The following THSD4 variants were observed in gnomAD, a reference collection of about 807,000 sequenced individuals.
THSD4 encodes the protein thrombospondin type-1 domain-containing protein 4.
Under a neutral mutation model 119.0 loss-of-function variants are expected in THSD4, and 69 were observed. That is an observed-to-expected ratio of 0.58 (90% CI 0.48 to 0.71). The LOEUF (loss-of-function observed/expected upper bound fraction) is 0.71. Ranked by LOEUF, THSD4 falls within the 30% of genes least tolerant of loss-of-function variation. THSD4 has a pLI of 0.00. For synonymous variants in THSD4, 524 were observed against 540.4 expected, an observed-to-expected ratio of 0.97 and a Z score of 0.42; for missense variants, 1,393 against 1,391.1, an observed-to-expected ratio of 1.00 and a Z score of -0.02.
chr15:71,192,173 A>G (rs960149340), intron 3 of THSD4, among the ~76,000 whole-genome samples: 1 of 151,892 alleles, frequency 6.6e-6, no homozygotes, highest in African/African-American at 2.4e-5. Context: ...AAATACTGGG[A>G]TTACAGGTGT....
intron 2 of THSD4, among the ~76,000 whole-genome samples, chr15:71,151,964 C>A (rs1329190032): frequency 6.6e-6 from 1 of 152,182 alleles, no homozygotes; most frequent in African/African-American, 2.4e-5. Flanking sequence ...ACAGTACCGA[C>A]AGAGAATGTT....
At chr15:71,470,332 T>C (rs1329486393) in intron 7 of THSD4, among the ~76,000 whole-genome samples, 4 of 152,186 alleles carry the variant, frequency 2.6e-5, no homozygotes, top group Non-Finnish European at 5.9e-5. Flanking sequence ...ATTGAGAATT[T>C]TTGTTTCTTT....
intron 7 of THSD4, among the ~76,000 whole-genome samples, chr15:71,615,807 A>G (rs2050309976): frequency 6.6e-6 from 1 of 152,170 alleles, no homozygotes; most frequent in African/African-American, 2.4e-5. Context: ...TTTAAGATGA[A>G]GTTGGGCTTC....
intron 8 of THSD4, among the ~76,000 whole-genome samples, chr15:71,681,460 T>A (rs2051774598): frequency 6.6e-6 from 1 of 151,864 alleles, no homozygotes; most frequent in Non-Finnish European, 1.5e-5. Context: ...GTGGATCACC[T>A]GAGGTCAGGC....
At chr15:71,554,848 T>C (rs1595881547) in intron 7 of THSD4, among the ~76,000 whole-genome samples, 1 of 152,160 alleles carries the variant, frequency 6.6e-6, no homozygotes, top group African/African-American at 2.4e-5. Flanking sequence ...GGCATAATAC[T>C]GAATATATGT....
intron 3 of THSD4, among the ~76,000 whole-genome samples, chr15:71,191,264 A>G (rs2043669346): frequency 6.6e-6 from 1 of 152,094 alleles, no homozygotes; most frequent in African/African-American, 2.4e-5. Context: ...TCTGAGTCCC[A>G]GTCTCCCAAC....
At chr15:71,630,208 G>A (rs181639234) in intron 7 of THSD4, among the ~76,000 whole-genome samples, 1 of 152,220 alleles carries the variant, frequency 6.6e-6, no homozygotes, top group East Asian at 1.9e-4. Flanking sequence ...TGTCTTAACT[G>A]GTGCTTCAGA....
chr15:71,245,787 G>T (rs891701327), intron 5 of THSD4, among the ~76,000 whole-genome samples: 1 of 152,132 alleles, frequency 6.6e-6, no homozygotes, highest in Non-Finnish European at 1.5e-5. Context: ...GCTATTTTAG[G>T]CACGGTGAGC....
intron 8 of THSD4, among the ~76,000 whole-genome samples, chr15:71,686,087 A>G (rs1452765127): frequency 1.3e-5 from 2 of 152,330 alleles, no homozygotes; most frequent in South Asian, 4.1e-4. Flanking sequence ...TAAAATATAT[A>G]TAACATAAAA....
At chr15:71,431,645 G>A (rs1483338233) in intron 7 of THSD4, among the ~76,000 whole-genome samples, 1 of 152,130 alleles carries the variant, frequency 6.6e-6, no homozygotes, top group Non-Finnish European at 1.5e-5. Flanking sequence ...GTTGGTATAT[G>A]ATGATTTATT....
chr15:71,737,010 A>C (rs1408763491), intron 10 of THSD4, among the ~76,000 whole-genome samples: 1 of 152,198 alleles, frequency 6.6e-6, no homozygotes, highest in Non-Finnish European at 1.5e-5. Flanking sequence ...TCATTTCTTC[A>C]TGTCGGAACG....
intron 7 of THSD4, among the ~76,000 whole-genome samples, chr15:71,636,218 T>C (rs533776594): frequency 2.1e-4 from 32 of 152,292 alleles, no homozygotes; most frequent in African/African-American, 7.5e-4. Context: ...GGTCAGGCGT[T>C]GGAGACCAGT....
At chr15:71,388,458 C>T (rs757931768) in intron 6 of THSD4, among the ~76,000 whole-genome samples, 1 of 152,130 alleles carries the variant, frequency 6.6e-6, no homozygotes, top group Non-Finnish European at 1.5e-5. Flanking sequence ...TTCCATCTAC[C>T]AGAATGTGTT....
At chr15:71,615,364 A>G (rs563345832) in intron 7 of THSD4, among the ~76,000 whole-genome samples, 4 of 152,346 alleles carry the variant, frequency 2.6e-5, no homozygotes, top group African/African-American at 7.2e-5. Flanking sequence ...GTAAATTAAT[A>G]AGACAACAAG....
At chr15:71,684,489 T>A (rs762644953) in intron 8 of THSD4, among the ~76,000 whole-genome samples, 1 of 151,202 alleles carries the variant, frequency 6.6e-6, no homozygotes, top group South Asian at 2.1e-4. Context: ...ATCATTGGGG[T>A]AAGAAAGTCT....
intron 11 of THSD4, among the ~76,000 whole-genome samples, chr15:71,741,721 A>T (rs1023712201): frequency 5.8e-5 from 7 of 120,766 alleles, no homozygotes; most frequent in African/African-American, 2.0e-4. Flanking sequence ...ACACACACAC[A>T]CACACACTCG....
chr15:71,459,372 G>GTCTC (rs1227905954), intron 7 of THSD4, among the ~76,000 whole-genome samples: 3 of 99,974 alleles, frequency 3.0e-5, no homozygotes, highest in South Asian at 9.6e-4. Context: ...CTGTCTCTCT[G>GTCTC]TCTCTCTGTC....
At chr15:71,374,819 T>C (rs1441443289) in intron 6 of THSD4, among the ~76,000 whole-genome samples, 2 of 152,176 alleles carry the variant, frequency 1.3e-5, no homozygotes, top group South Asian at 2.1e-4. Flanking sequence ...CAAGAGACTA[T>C]TCACAGATGG....
At chr15:71,611,415 C>T (rs939104549) in intron 7 of THSD4, among the ~76,000 whole-genome samples, 2 of 152,184 alleles carry the variant, frequency 1.3e-5, no homozygotes, top group African/African-American at 2.4e-5. Context: ...CTACTTCCTG[C>T]TGCCAGCCCC....
Sources: gnomAD v4.1 joint callset for allele counts (sites outside exome capture counted in the v4.1 genomes callset) on GRCh38, gnomAD v4.1.1 for gene constraint, MANE v1.5 for transcripts, NCBI Gene and HGNC (gene_info 2026-07-23, HGNC 2026-07-21) for gene names.